GRIP1: variants seen among roughly 807,000 people sequenced by gnomAD.
GRIP1 encodes the protein glutamate receptor-interacting protein 1.
In GRIP1, 45 loss-of-function variants were observed where a neutral mutation model predicts 129.9. That is an observed-to-expected ratio of 0.35 (90% CI 0.27 to 0.44). GRIP1 has a LOEUF of 0.44. Ranked by LOEUF, GRIP1 falls within the 20% of genes least tolerant of loss-of-function variation. The pLI is 1.00. For synonymous variants in GRIP1, 530 were observed against 520.8 expected, an observed-to-expected ratio of 1.02 and a Z score of -0.24; for missense variants, 1,196 against 1,396.8, an observed-to-expected ratio of 0.86 and a Z score of 2.29.
Position 66,998,769 on chromosome 12 carries a change from C to T in GRIP1, c.58+70281G>A, listed in dbSNP as rs77213197. 9.9e-5 allele frequency among the ~76,000 whole-genome samples: 15 copies of T among 152,248 alleles called. No individual in the cohort carries two copies. The East Asian group carries it at 2.9e-3, about 29-fold the overall frequency. On this transcript the variant is annotated intron_variant, in intron 1 of 1. Transcript: ENST00000643019. ...CTACAAACACCAACCTTTTTAGCTG[C>T]CCTGGCTCTCTGTCCATTTCAGAAA...
In GRIP1 at chr12:66,456,323, G is replaced by A; in HGVS notation, c.1062C>T (p.Asp354=). 1 of 1,289,338 alleles carries A rather than the reference G, an allele frequency of 7.8e-7. No individual in the cohort carries two copies. The allele number at this position is 1,289,338 out of a possible 1,614,324, so 79.9% of individuals were successfully genotyped here. A position where few individuals can be genotyped will look rare whatever the true frequency, so the allele number is the denominator to read the frequency against. The change falls in exon 10 of 25, where the codon GAC becomes GAT. Residue 354 remains aspartate, a synonymous_variant. Coordinates refer to ENST00000359742, the MANE Select transcript of GRIP1 (RefSeq NM_001366722.1). ...GPDHVKIQRS[D]RQLTWDSWAS... is the part of the protein sequence containing the mutation. ...CCCAGGAATCCCAGGTAAGTTGCCT[G>A]TCGCTCCTCTGAATTTTCACTGCCC...
At chr12:66,372,730 C>T (rs1474080783) in intron 22 of GRIP1, among the ~76,000 whole-genome samples, 2 of 148,986 alleles carry the variant, frequency 1.3e-5, no homozygotes, top group South Asian at 2.1e-4. Flanking sequence ...AGATTAGATA[C>T]CAAAGATGAA....
chr12:66,815,854 T>TTCTTTCTTTCTCTC lies in GRIP1; in HGVS notation c.59-218928_59-218927insGAGAGAAAGAAAGA, dbSNP rs1555241802. On this transcript the variant is annotated intron_variant, in intron 1 of 1. Coordinates refer to the GRIP1 transcript ENST00000643019. ...TTTCTTTCTTTCTTTCTTTCTTTCTTTCTCTCTCTCTCTCTCTCTCTCTCT... is the reference window on the plus strand; with the variant it reads ...TTTCTTTCTTTCTTTCTTTCTTTCTTTCTTTCTTTCTCTCTCTCTCTCTCTCTCTCTCTCTCTCT... Among the ~76,000 whole-genome samples the TTCTTTCTTTCTCTC allele has an allele frequency of 6.7e-3, 777 of 116,756 alleles. 7 individuals carry two copies. Among genetic ancestry groups the TTCTTTCTTTCTCTC allele is most frequent in the South Asian group, 0.018 (56 of 3,032 alleles). The allele number at this position is 116,756 out of a possible 152,430, so 76.6% of individuals were successfully genotyped here.
intron 1 of GRIP1, among the ~76,000 whole-genome samples, chr12:66,920,685 TAA>T (rs1012355262): frequency 6.6e-6 from 1 of 152,226 alleles, no homozygotes; most frequent in Non-Finnish European, 1.5e-5. Flanking sequence ...AACTCAGACA[TAA>T]ATCAGGCCCA....
intron 1 of GRIP1, among the ~76,000 whole-genome samples, chr12:66,847,457 T>C (rs544459210): frequency 6.6e-6 from 1 of 152,330 alleles, no homozygotes; most frequent in South Asian, 2.1e-4. Context: ...AGGGGCTTGA[T>C]GAACATCTTT....
At chr12:66,869,495 C>T (rs548408329) in intron 1 of GRIP1, among the ~76,000 whole-genome samples, 2 of 152,174 alleles carry the variant, frequency 1.3e-5, no homozygotes, top group South Asian at 2.1e-4. Context: ...GTTAACATGT[C>T]TCTGTTGCAG....
chr12:66,531,318 T>C lies in GRIP1; in HGVS notation c.419-1404A>G, dbSNP rs1488683593. ...ATATATATATACACACACACACACA[T>C]ACATATACATATATACATATATATA... On this transcript the variant is annotated intron_variant, in intron 4 of 24. Transcript: ENST00000359742. Among the ~76,000 whole-genome samples the C allele has an allele frequency of 2.5e-4, 17 of 68,464 alleles. 1 individual carries two copies. The South Asian group carries it at 2.5e-3, about 10-fold the overall frequency. The allele number at this position is 68,464 out of a possible 152,430, so 44.9% of individuals were successfully genotyped here. A position where few individuals can be genotyped will look rare whatever the true frequency, so the allele number is the denominator to read the frequency against.
intron 7 of GRIP1, among the ~76,000 whole-genome samples, chr12:66,503,563 TTC>T (rs1317350649): frequency 6.6e-6 from 1 of 152,204 alleles, no homozygotes; most frequent in Non-Finnish European, 1.5e-5. Flanking sequence ...GCTTGCCTTG[TTC>T]TCTTTTTCTG....
Position 66,569,753 on chromosome 12 carries a change from G to A in GRIP1, c.136+27094C>T, listed in dbSNP as rs549210809. Among the ~76,000 whole-genome samples, 23 of 152,282 alleles carry A rather than the reference G, an allele frequency of 1.5e-4. No homozygotes were observed. The East Asian group carries it at 4.3e-3, about 28-fold the overall frequency. Reference sequence around the variant, plus strand: ...CTCCAGGATAGAGAGGGGGCTGGGGGCTGCTTCCGAGCACCCCTTTTCCTT... The same window carrying A: ...CTCCAGGATAGAGAGGGGGCTGGGGACTGCTTCCGAGCACCCCTTTTCCTT... On this transcript the variant is annotated intron_variant, in intron 2 of 24. Transcript: ENST00000359742.
At chr12:66,526,059 A>T (rs943408237) in intron 5 of GRIP1, among the ~76,000 whole-genome samples, 3 of 152,214 alleles carry the variant, frequency 2.0e-5, no homozygotes, top group Non-Finnish European at 4.4e-5. Flanking sequence ...AGAACATTCC[A>T]TACTCATCGA....
intron 1 of GRIP1, among the ~76,000 whole-genome samples, chr12:66,829,700 A>G (rs553838186): frequency 5.9e-5 from 9 of 152,310 alleles, no homozygotes; most frequent in African/African-American, 1.9e-4. Flanking sequence ...TTTATAGCTC[A>G]AGCGCTTTCC....
intron 17 of GRIP1, among the ~76,000 whole-genome samples, chr12:66,393,494 AC>A (rs2056673754): frequency 6.6e-6 from 1 of 152,066 alleles, no homozygotes; most frequent in African/African-American, 2.4e-5. Flanking sequence ...TTTCTAAGGT[AC>A]ACTGCAGCTC....
At chr12:66,422,064 C>T (rs2057820845) in intron 14 of GRIP1, among the ~76,000 whole-genome samples, 2 of 152,100 alleles carry the variant, frequency 1.3e-5, no homozygotes, top group South Asian at 2.1e-4. Context: ...TTAACAGGCC[C>T]CTAAAGTAAG....
intron 1 of GRIP1, among the ~76,000 whole-genome samples, chr12:66,700,045 A>T (rs1167456366): frequency 6.6e-6 from 1 of 152,182 alleles, no homozygotes; most frequent in African/African-American, 2.4e-5. Flanking sequence ...CTGCCCAATC[A>T]TTAGAGATTC....
chr12:66,749,936 T>A (rs1339698059), intron 1 of GRIP1, among the ~76,000 whole-genome samples: 1 of 152,166 alleles, frequency 6.6e-6, no homozygotes, highest in Non-Finnish European at 1.5e-5. Flanking sequence ...AAAAGCAGAT[T>A]ATTTCATCTC....
At chr12:66,908,924 G>A (rs1302772197) in intron 1 of GRIP1, among the ~76,000 whole-genome samples, 1 of 152,134 alleles carries the variant, frequency 6.6e-6, no homozygotes, top group Non-Finnish European at 1.5e-5. Flanking sequence ...CATCAAGACT[G>A]CCTCAGACAT....
chr12:66,369,299 C>T (rs934158900), intron 23 of GRIP1, among the ~76,000 whole-genome samples: 1 of 151,272 alleles, frequency 6.6e-6, no homozygotes, highest in Admixed American at 6.6e-5. Context: ...ATTCATTATG[C>T]CAGTAAGTGG....
intron 1 of GRIP1, among the ~76,000 whole-genome samples, chr12:66,734,251 C>T (rs2036528256): frequency 6.6e-6 from 1 of 152,158 alleles, no homozygotes; most frequent in African/African-American, 2.4e-5. Context: ...GTGTTTGGCA[C>T]TGATACCTAG....
chr12:66,805,978 C>CTTTTTTTTTTT (rs79756327), upstream of GRIP1, among the ~76,000 whole-genome samples: 1 of 126,408 alleles, frequency 7.9e-6, no homozygotes, highest in African/African-American at 2.9e-5. Context: ...TTTTTTTTTT[C>CTTTTTTTTTTT]TTTTTTTTTT....
Sources: gnomAD v4.1 joint callset for allele counts (sites outside exome capture counted in the v4.1 genomes callset) on GRCh38, gnomAD v4.1.1 for gene constraint, MANE v1.5 for transcripts, NCBI Gene and HGNC (gene_info 2026-07-23, HGNC 2026-07-21) for gene names.